ZCCHC7: variants seen among roughly 807,000 people sequenced by gnomAD.
ZCCHC7 encodes zinc finger CCHC-type containing 7, also known as zinc finger CCHC domain-containing protein 7.
A neutral mutation model predicts 52.0 loss-of-function variants in ZCCHC7; 35 were observed. The observed-to-expected ratio is 0.67, with a 90% CI of 0.51 to 0.89. The LOEUF is 0.89. Ranked by LOEUF, ZCCHC7 falls within the 40% of genes least tolerant of loss-of-function variation. The pLI, the probability that ZCCHC7 is intolerant of heterozygous loss-of-function variation, is 0.00. For synonymous variants in ZCCHC7, 217 were observed against 221.5 expected (o/e 0.98, Z 0.18); for missense variants, 574 against 649.1 (o/e 0.88, Z 1.26).
intron 5 of ZCCHC7, 113 bp downstream of exon 5, chr9:37,305,827 C>T (rs1031628785): frequency 7.3e-6 from 7 of 963,732 alleles, no homozygotes; most frequent in Admixed American, 5.4e-5. Context: ...ATGTTTACTC[C>T]GTGAGATATA....
intron 2 of ZCCHC7, among the ~76,000 whole-genome samples, chr9:37,273,848 G>A (rs1394988300): frequency 6.6e-6 from 1 of 151,718 alleles, no homozygotes; most frequent in African/African-American, 2.4e-5. Context: ...AGAGATATGT[G>A]GGAATTTTTT....
chr9:37,176,266 G>T (rs180748568), intron 2 of ZCCHC7, among the ~76,000 whole-genome samples: 1 of 152,192 alleles, frequency 6.6e-6, no homozygotes, highest in East Asian at 1.9e-4. Flanking sequence ...GTAGAGACGG[G>T]GTTTCACCGT....
intron 2 of ZCCHC7, chr9:37,205,236 C>T: frequency 2.7e-6 from 1 of 374,818 alleles, no homozygotes; most frequent in South Asian, 2.5e-5. Context: ...TCCAGGTTTG[C>T]CATGGTAACA....
At chr9:37,271,204 A>G (rs1025239740) in intron 2 of ZCCHC7, among the ~76,000 whole-genome samples, 5 of 152,240 alleles carry the variant, frequency 3.3e-5, no homozygotes, top group Non-Finnish European at 7.3e-5. Context: ...AAATGATCTA[A>G]TCTACATATA....
At chr9:37,304,345 TTTGTAAAC>T in intron 4 of ZCCHC7, 32 bp downstream of exon 4, 1 of 1,607,828 alleles carries the variant, frequency 6.2e-7, no homozygotes, top group Non-Finnish European at 8.5e-7. Flanking sequence ...TCTTTCCACA[TTTGTAAAC>T]TCAAAATCTC....
At chr9:37,172,264 T>G (rs969831417) in intron 2 of ZCCHC7, among the ~76,000 whole-genome samples, 1 of 152,252 alleles carries the variant, frequency 6.6e-6, no homozygotes. Flanking sequence ...AATTGTAAAT[T>G]TGTTGCTTTT....
chr9:37,248,679 G>A (rs536452540), intron 2 of ZCCHC7, among the ~76,000 whole-genome samples: 3 of 152,132 alleles, frequency 2.0e-5, no homozygotes, highest in African/African-American at 7.2e-5. Flanking sequence ...AATCCCTGAA[G>A]ACACCATGAT....
At chr9:37,303,866 T>TTG (rs1262439625) in intron 3 of ZCCHC7, among the ~76,000 whole-genome samples, 1 of 151,992 alleles carries the variant, frequency 6.6e-6, no homozygotes, top group Non-Finnish European at 1.5e-5. Flanking sequence ...TTTCTCCATG[T>TTG]TGGTCAGGCT....
intron 2 of ZCCHC7, among the ~76,000 whole-genome samples, chr9:37,145,571 G>A (rs1339382404): frequency 1.3e-5 from 2 of 151,882 alleles, no homozygotes; most frequent in Non-Finnish European, 2.9e-5. Context: ...TAGTTGTCAG[G>A]TGTAAACAAG....
At chr9:37,136,714 G>A (rs1400048851) in intron 2 of ZCCHC7, among the ~76,000 whole-genome samples, 2 of 152,136 alleles carry the variant, frequency 1.3e-5, no homozygotes, top group Non-Finnish European at 2.9e-5. Flanking sequence ...TGGCTCAAGC[G>A]AGCTGCCCAC....
At chr9:37,194,308 G>A (rs1419037533) in intron 2 of ZCCHC7, among the ~76,000 whole-genome samples, 1 of 152,136 alleles carries the variant, frequency 6.6e-6, no homozygotes, top group Non-Finnish European at 1.5e-5. Flanking sequence ...GGTCCTATAA[G>A]AGACTTTAGA....
intron 5 of ZCCHC7, among the ~76,000 whole-genome samples, chr9:37,312,301 C>G (rs1829635601): frequency 6.6e-6 from 1 of 152,140 alleles, no homozygotes; most frequent in African/African-American, 2.4e-5. Context: ...GTTCATTTAG[C>G]AAAAATTTGC....
intron 2 of ZCCHC7, among the ~76,000 whole-genome samples, chr9:37,188,497 C>T (rs1160553500): frequency 8.2e-6 from 1 of 121,316 alleles, no homozygotes; most frequent in Non-Finnish European, 1.7e-5. Flanking sequence ...CCTACCCCTC[C>T]CCCCTTCCTT....
At chr9:37,235,333 A>G (rs1024215344) in intron 2 of ZCCHC7, among the ~76,000 whole-genome samples, 2 of 152,102 alleles carry the variant, frequency 1.3e-5, no homozygotes, top group African/African-American at 4.8e-5. Flanking sequence ...TAAACTCCGT[A>G]TATGGGAGAA....
intron 2 of ZCCHC7, among the ~76,000 whole-genome samples, chr9:37,243,421 C>T (rs1825956156): frequency 6.6e-6 from 1 of 151,748 alleles, no homozygotes; most frequent in Admixed American, 6.6e-5. Context: ...TTTGGAAACT[C>T]TTTAGCTGTT....
intron 6 of ZCCHC7, among the ~76,000 whole-genome samples, chr9:37,341,358 T>C (rs1820628034): frequency 1.3e-5 from 2 of 152,228 alleles, no homozygotes; most frequent in Non-Finnish European, 2.9e-5. Context: ...AGCTAAATCA[T>C]ATTGGATGAT....
chr9:37,296,259 C>T (rs1488785981), intron 2 of ZCCHC7, among the ~76,000 whole-genome samples: 1 of 152,086 alleles, frequency 6.6e-6, no homozygotes, highest in Admixed American at 6.5e-5. Context: ...AAGCACATTA[C>T]AGACATGACC....
chr9:37,280,998 A>G (rs940666785), intron 2 of ZCCHC7, among the ~76,000 whole-genome samples: 3 of 152,210 alleles, frequency 2.0e-5, no homozygotes, highest in Non-Finnish European at 4.4e-5. Flanking sequence ...TGGGATAGGC[A>G]GGTAAATAGA....
intron 5 of ZCCHC7, among the ~76,000 whole-genome samples, chr9:37,325,250 T>TG (rs1830196620): frequency 6.6e-6 from 1 of 152,220 alleles, no homozygotes; most frequent in Non-Finnish European, 1.5e-5. Flanking sequence ...TGTTTTCAGT[T>TG]GTGTGATTTG....
Sources: allele counts gnomAD v4.1 joint callset (sites outside exome capture counted in the v4.1 genomes callset), GRCh38; gene constraint gnomAD v4.1.1; transcripts MANE v1.5; gene names NCBI Gene and HGNC (gene_info 2026-07-23, HGNC 2026-07-21).